TMCO5A: variants seen among roughly 807,000 people sequenced by gnomAD.
TMCO5A encodes transmembrane and coiled-coil domain-containing protein 5A.
TMCO5A carries 34 observed loss-of-function variants against 42.3 expected under a neutral mutation model. The ratio of observed to expected loss-of-function variants is 0.80; its 90% CI spans 0.61 to 1.07. TMCO5A has a LOEUF of 1.07. TMCO5A is among the 50% of genes least tolerant of loss of function. TMCO5A has a pLI of 0.00. For synonymous variants in TMCO5A, 131 were observed against 115.6 expected (o/e 1.13, Z -0.86); for missense variants, 357 against 327.9 (o/e 1.09, Z -0.69).
In TMCO5A at chr15:37,951,276, T is replaced by C. The variant is rs751552401; in HGVS notation, c.*42T>C. The C allele has an allele frequency of 1.3e-6, 2 of 1,590,334 alleles. No homozygotes were observed. Among genetic ancestry groups the C allele is most frequent in the Non-Finnish European group, 1.7e-6 (2 of 1,161,142 alleles). ...CTTGAGCAATAGAAGGGAAGTGGGA[T>C]CCGAGCCTGTAGAAGGGAGGCATGA... On this transcript the variant is annotated 3_prime_UTR_variant, in exon 12 of 12. Coordinates refer to ENST00000319669, the MANE Select transcript of TMCO5A (RefSeq NM_152453.4).
rs749148683 is a variant in TMCO5A, at chr15:37,938,271, AC to A, written c.387+44del. ...ATCCTAAATGTGGTTGGGCTATGTAACCAGGAAACAAGCTGTTAAGTTGGAA... is the reference window on the plus strand; with the variant it reads ...ATCCTAAATGTGGTTGGGCTATGTAACAGGAAACAAGCTGTTAAGTTGGAA... On this transcript the variant is annotated intron_variant, in intron 6 of 11. Coordinates refer to ENST00000319669, the MANE Select transcript of TMCO5A (RefSeq NM_152453.4). The A allele has an allele frequency of 3.4e-6, 5 of 1,475,602 alleles. No individual in the cohort carries two copies. In the Admixed American group the frequency reaches 1.1e-4, roughly 31 times the overall value. 91.4% of individuals were successfully genotyped at this position (1,475,602 alleles called of 1,614,324 possible).
rs772439033 is a variant in TMCO5A, at chr15:37,951,182, GCTT to G, written c.822_824del (p.Phe275del). The G allele has an allele frequency of 8.1e-6, 13 of 1,613,854 alleles. No homozygotes were observed. The highest frequency in any genetic ancestry group is 1.1e-5 in the Non-Finnish European group (13 of 1,179,870). ...AGGAGCACCTTGTGGAAGCTCAGAT[GCTT>G]CTTCTTTCCATCTCTCACACTTGAG... On this transcript the variant is annotated inframe_deletion, in exon 12 of 12. Coordinates refer to ENST00000319669, the MANE Select transcript of TMCO5A (RefSeq NM_152453.4).
chr15:38,010,302 G>A, the TMCO5A span, among the ~76,000 whole-genome samples: 2 of 151,014 alleles, frequency 1.3e-5, no homozygotes, highest in Non-Finnish European at 3.0e-5. Context: ...CGTGAATCTG[G>A]GAGGCGGAGC....
At chr15:38,030,633 C>T in the TMCO5A span, among the ~76,000 whole-genome samples, 2 of 152,164 alleles carry the variant, frequency 1.3e-5, no homozygotes, top group African/African-American at 4.8e-5. Flanking sequence ...ATAAAGGGCT[C>T]GACCTGACGT....
At chr15:38,011,678 C>T in the TMCO5A span, among the ~76,000 whole-genome samples, 1 of 152,166 alleles carries the variant, frequency 6.6e-6, no homozygotes, top group African/African-American at 2.4e-5. Flanking sequence ...AGAAAAAGTT[C>T]CCAGTTGTTC....
At chr15:37,975,290 T>G in the TMCO5A span, among the ~76,000 whole-genome samples, 5 of 152,186 alleles carry the variant, frequency 3.3e-5, no homozygotes, top group African/African-American at 9.7e-5. Context: ...GTCCCAAATA[T>G]CTTTGTTAGT....
the TMCO5A span, among the ~76,000 whole-genome samples, chr15:37,991,428 G>A: frequency 1.3e-5 from 2 of 152,060 alleles, no homozygotes; most frequent in African/African-American, 2.4e-5. Flanking sequence ...GTGTCTCAGT[G>A]TGGGCCTCTT....
the TMCO5A span, among the ~76,000 whole-genome samples, chr15:38,017,810 C>T: frequency 6.6e-6 from 1 of 152,102 alleles, no homozygotes; most frequent in Non-Finnish European, 1.5e-5. Context: ...ATTGTAGTCC[C>T]TGTATGTTGG....
intron 11 of TMCO5A, among the ~76,000 whole-genome samples, chr15:37,958,543 C>T (rs925471471): frequency 6.6e-6 from 1 of 151,976 alleles, no homozygotes; most frequent in Non-Finnish European, 1.5e-5. Flanking sequence ...CAATGAGATA[C>T]CATCTCACAT....
At chr15:37,980,988 A>G in the TMCO5A span, among the ~76,000 whole-genome samples, 6 of 152,152 alleles carry the variant, frequency 3.9e-5, no homozygotes, top group Non-Finnish European at 8.8e-5. Context: ...TCTCTGCTGT[A>G]GCTAAGCAGA....
At chr15:38,022,525 G>T in the TMCO5A span, among the ~76,000 whole-genome samples, 1 of 152,148 alleles carries the variant, frequency 6.6e-6, no homozygotes, top group Non-Finnish European at 1.5e-5. Flanking sequence ...AGAGCACAGA[G>T]GATTTTTAGG....
At chr15:38,034,294 A>G in the TMCO5A span, among the ~76,000 whole-genome samples, 1 of 152,168 alleles carries the variant, frequency 6.6e-6, no homozygotes, top group African/African-American at 2.4e-5. Context: ...TATTAATTTT[A>G]AGGGACACAT....
At chr15:38,027,935 G>A in the TMCO5A span, among the ~76,000 whole-genome samples, 1 of 152,062 alleles carries the variant, frequency 6.6e-6, no homozygotes, top group Non-Finnish European at 1.5e-5. Flanking sequence ...ATGTGGAACT[G>A]TAAGTATATT....
the TMCO5A span, among the ~76,000 whole-genome samples, chr15:38,015,194 A>C: frequency 1.8e-4 from 28 of 152,146 alleles, no homozygotes; most frequent in South Asian, 3.9e-3. Flanking sequence ...CTCTTTTGGC[A>C]ACACCCTCAT....
At chr15:38,038,515 C>T in the TMCO5A span, among the ~76,000 whole-genome samples, 1 of 151,710 alleles carries the variant, frequency 6.6e-6, no homozygotes, top group Admixed American at 6.6e-5. Flanking sequence ...ATACCATTCT[C>T]CTGCCTCAGC....
chr15:37,943,481 A>G, intron 10 of TMCO5A, 83 bp downstream of exon 10: 1 of 1,355,180 alleles, frequency 7.4e-7, no homozygotes, highest in Non-Finnish European at 1.0e-6. Flanking sequence ...GGCACCAAAT[A>G]TATACCCAAT....
intron 6 of TMCO5A, among the ~76,000 whole-genome samples, chr15:37,940,823 G>T (rs866169045): frequency 1.6e-4 from 25 of 152,128 alleles, no homozygotes; most frequent in African/African-American, 5.3e-4. Context: ...GAGTCTGACT[G>T]ACTATATTAA....
chr15:38,034,259 T>C, the TMCO5A span, among the ~76,000 whole-genome samples: 1 of 152,058 alleles, frequency 6.6e-6, no homozygotes, highest in African/African-American at 2.4e-5. Context: ...CCTCTTAATA[T>C]CACATTGCCA....
chr15:37,963,239 G>T lies in TMCO5A; in HGVS notation c.669-3386G>T, dbSNP rs185339441. Reference sequence around the variant, plus strand: ...ACCTTTGCTGTATCTCAGATGTTTTGACAGGTTGTGTCATTATTGTCCTTC... The same window carrying T: ...ACCTTTGCTGTATCTCAGATGTTTTTACAGGTTGTGTCATTATTGTCCTTC... On this transcript the variant is annotated intron_variant, in intron 11 of 11. Coordinates refer to the TMCO5A transcript ENST00000559502. Among the ~76,000 whole-genome samples, 6 of 152,090 alleles carry T rather than the reference G, an allele frequency of 3.9e-5. No homozygotes were observed. In the East Asian group the frequency reaches 1.2e-3, roughly 29 times the overall value.
Sources: gnomAD v4.1 joint callset for allele counts (sites outside exome capture counted in the v4.1 genomes callset) on GRCh38, gnomAD v4.1.1 for gene constraint, MANE v1.5 for transcripts, NCBI Gene and HGNC (gene_info 2026-07-23, HGNC 2026-07-21) for gene names.